Variants in EEFSEC observed in about 807,000 individuals in gnomAD.
EEFSEC encodes the protein eukaryotic elongation factor, selenocysteine-tRNA specific.
Under a neutral mutation model 42.1 loss-of-function variants are expected in EEFSEC, and 43 were observed. That is an observed-to-expected ratio of 1.02 (90% CI 0.80 to 1.32). The LOEUF is 1.32. EEFSEC is among the 40% of genes most tolerant of loss of function. The pLI is 0.00. For synonymous variants in EEFSEC, 354 were observed against 339.1 expected (o/e 1.04, Z -0.48); for missense variants, 745 against 803.6 (o/e 0.93, Z 0.88).
chr3:128,352,557 C>T (rs538787901), intron 5 of EEFSEC, among the ~76,000 whole-genome samples: 76 of 152,316 alleles, frequency 5.0e-4, no homozygotes, highest in Middle Eastern at 3.4e-3. Flanking sequence ...GTTCTGAGGC[C>T]GGCAGTCTCT....
chr3:128,215,014 T>C (rs757592218), intron 1 of EEFSEC, among the ~76,000 whole-genome samples: 1 of 152,182 alleles, frequency 6.6e-6, no homozygotes, highest in African/African-American at 2.4e-5. Context: ...TTAGAAGACA[T>C]AGTATTTCAT....
chr3:128,282,656 G>A lies in EEFSEC; in HGVS notation c.786+17875G>A, dbSNP rs536425079. ...CTGGGGAAGCTGCCCATTTCACCGG[G>A]GACTTGGTATGTGAAGATTTTCATC... On this transcript the variant is annotated intron_variant, in intron 4 of 6. Coordinates refer to ENST00000254730, the MANE Select transcript of EEFSEC (RefSeq NM_021937.5). Among the ~76,000 whole-genome samples, 35 of 152,278 alleles carry A rather than the reference G, an allele frequency of 2.3e-4. No homozygotes were observed. The East Asian group carries it at 5.2e-3, about 23-fold the overall frequency.
At position 128,398,766 on chromosome 3, in the gene EEFSEC, C is replaced by A. The variant is rs1225258100; in HGVS notation, c.1601-9303C>A. Among the ~76,000 whole-genome samples the A allele has an allele frequency of 9.2e-5, 14 of 152,182 alleles. 1 individual carries two copies. Among genetic ancestry groups the A allele is most frequent in the Admixed American group, 9.2e-4 (14 of 15,286 alleles). On this transcript the variant is annotated intron_variant, in intron 6 of 6. Coordinates refer to ENST00000254730, the MANE Select transcript of EEFSEC (RefSeq NM_021937.5). ...AGCCCCAGCCTGAGCTTCTGGCCTG[C>A]ACAGCAAGGAAGGTAACCTTTGGGG...
chr3:128,219,426 C>T (rs1227926281), intron 1 of EEFSEC, among the ~76,000 whole-genome samples: 3 of 152,180 alleles, frequency 2.0e-5, no homozygotes, highest in Non-Finnish European at 4.4e-5. Flanking sequence ...CTCCTGTCAC[C>T]CCCATTTGGC....
chr3:128,213,373 A>C (rs1277774475), intron 1 of EEFSEC, among the ~76,000 whole-genome samples: 3 of 152,204 alleles, frequency 2.0e-5, no homozygotes, highest in Non-Finnish European at 4.4e-5. Context: ...AATGCAGTCT[A>C]GCTGATTTGG....
chr3:128,264,896 C>A, intron 4 of EEFSEC, 115 bp downstream of exon 4: 1 of 1,278,618 alleles, frequency 7.8e-7, no homozygotes, highest in Non-Finnish European at 1.1e-6. Context: ...GGGACTCCCA[C>A]TGCCTGCTCC....
chr3:128,164,064 C>T lies in EEFSEC; in HGVS notation c.316+10241C>T, dbSNP rs867728944. On this transcript the variant is annotated intron_variant, in intron 1 of 6. Coordinates refer to ENST00000254730, the MANE Select transcript of EEFSEC (RefSeq NM_021937.5). ...TGGCATGTGCTCCTCAGGCTGCCTCCTCTTTCTGTGATGTGCCTGGCCCAT... is the reference window on the plus strand; with the variant it reads ...TGGCATGTGCTCCTCAGGCTGCCTCTTCTTTCTGTGATGTGCCTGGCCCAT... Among the ~76,000 whole-genome samples the T allele has an allele frequency of 3.3e-5, 5 of 152,288 alleles. No homozygotes were observed. In the South Asian group the frequency reaches 6.2e-4, roughly 19 times the overall value.
chr3:128,412,192 T>A (rs1452716098), downstream of EEFSEC, among the ~76,000 whole-genome samples: 1 of 152,194 alleles, frequency 6.6e-6, no homozygotes, highest in Non-Finnish European at 1.5e-5. Flanking sequence ...TGCAGGTTAG[T>A]GGGGCCTCTT....
chr3:128,211,137 T>C (rs1466874497), intron 1 of EEFSEC, among the ~76,000 whole-genome samples: 2 of 152,246 alleles, frequency 1.3e-5, no homozygotes, highest in Admixed American at 6.5e-5. Context: ...CTAGAGATCA[T>C]AGAGAGCTGT....
At chr3:128,282,285 TCCTTCCC>T (rs2066535050) in intron 4 of EEFSEC, among the ~76,000 whole-genome samples, 1 of 152,238 alleles carries the variant, frequency 6.6e-6, no homozygotes, top group Non-Finnish European at 1.5e-5. Context: ...AGCTCCAGCC[TCCTTCCC>T]TGCTGCCGGC....
intron 4 of EEFSEC, among the ~76,000 whole-genome samples, chr3:128,274,327 G>T (rs2066444618): frequency 6.6e-6 from 1 of 152,242 alleles, no homozygotes; most frequent in African/African-American, 2.4e-5. Flanking sequence ...GCAAAGAGGA[G>T]GAGGAAAGGG....
chr3:128,204,570 G>A (rs988866457), intron 1 of EEFSEC, among the ~76,000 whole-genome samples: 5 of 151,992 alleles, frequency 3.3e-5, no homozygotes, highest in African/African-American at 1.2e-4. Flanking sequence ...TGTTCAGCTG[G>A]CCTCCCTAGG....
chr3:128,296,977 C>T (rs2066713274), intron 4 of EEFSEC, among the ~76,000 whole-genome samples: 1 of 152,116 alleles, frequency 6.6e-6, no homozygotes, highest in African/African-American at 2.4e-5. Flanking sequence ...TCTGGAGTCC[C>T]AGAGGTTTGG....
intron 4 of EEFSEC, among the ~76,000 whole-genome samples, chr3:128,277,446 T>C (rs1190930296): frequency 6.6e-6 from 1 of 152,142 alleles, no homozygotes; most frequent in African/African-American, 2.4e-5. Flanking sequence ...CCTTTCAAAG[T>C]TTGGGTGTTT....
At chr3:128,267,608 A>G (rs1174840770) in intron 4 of EEFSEC, among the ~76,000 whole-genome samples, 1 of 152,244 alleles carries the variant, frequency 6.6e-6, no homozygotes, top group Non-Finnish European at 1.5e-5. Flanking sequence ...GTTAGCAAAC[A>G]GAAATCAGCG....
intron 1 of EEFSEC, among the ~76,000 whole-genome samples, chr3:128,190,005 G>T (rs2065505449): frequency 6.6e-6 from 1 of 152,192 alleles, no homozygotes; most frequent in Admixed American, 6.5e-5. Context: ...TGGGACTACA[G>T]GTGCATGCTG....
intron 6 of EEFSEC, among the ~76,000 whole-genome samples, chr3:128,390,240 A>C (rs2067892024): frequency 6.6e-6 from 1 of 152,238 alleles, no homozygotes; most frequent in Admixed American, 6.5e-5. Context: ...TGATCTGTGC[A>C]GTCACTTCTC....
chr3:128,414,032 C>T, the EEFSEC span, among the ~76,000 whole-genome samples: 6 of 152,370 alleles, frequency 3.9e-5, no homozygotes, highest in South Asian at 2.1e-4. Context: ...AGCTCCGACC[C>T]GCCTGTCTTC....
chr3:128,322,901 G>A (rs1171737794), intron 4 of EEFSEC, among the ~76,000 whole-genome samples: 1 of 152,186 alleles, frequency 6.6e-6, no homozygotes, highest in Non-Finnish European at 1.5e-5. Flanking sequence ...CTGTCACTTT[G>A]TTAGGAAGTA....
Sources: allele counts gnomAD v4.1 joint callset (sites outside exome capture counted in the v4.1 genomes callset), GRCh38; gene constraint gnomAD v4.1.1; transcripts MANE v1.5; gene names NCBI Gene and HGNC (gene_info 2026-07-23, HGNC 2026-07-21).